IGF2R: variants seen among roughly 807,000 people sequenced by gnomAD.
IGF2R encodes the protein insulin like growth factor 2 receptor.
IGF2R carries 91 observed loss-of-function variants against 270.6 expected under a neutral mutation model. That is an observed-to-expected ratio of 0.34 (90% confidence interval 0.28 to 0.40). The LOEUF (loss-of-function observed/expected upper bound fraction) is 0.40. IGF2R is among the 10% of genes least tolerant of loss of function. The pLI is 1.00. For missense variants in IGF2R, 2,805 were observed against 3,188.3 expected (o/e 0.88, Z 2.90); for synonymous variants, 1,316 against 1,258.9 (o/e 1.05, Z -0.96).
rs1230443660 is a variant in IGF2R at position 160,108,514 on chromosome 6, G to A, written c.*3430G>A. 6.6e-6 allele frequency: 1 copy of A among 152,370 alleles called. No homozygotes were observed. Among genetic ancestry groups the A allele is most frequent in the Non-Finnish European group, 1.5e-5 (1 of 68,166 alleles). 9.4% of individuals were successfully genotyped at this position (152,370 alleles called of 1,614,324 possible). On this transcript the variant is annotated 3_prime_UTR_variant, in exon 48 of 48. Coordinates refer to ENST00000356956, the MANE Select transcript of IGF2R (RefSeq NM_000876.4). ...TGGAGACGCTTCAGCAACCAGATGG[G>A]AGGTTGGGCATGGGAGCTGTGGCTG...
chr6:160,053,345 A>G (rs1190391947), intron 19 of IGF2R, among the ~76,000 whole-genome samples: 1 of 152,190 alleles, frequency 6.6e-6, no homozygotes, highest in Non-Finnish European at 1.5e-5. Context: ...GCAAACCAAC[A>G]TGGCACATGT....
chr6:160,064,317 G>T, intron 27 of IGF2R, 84 bp from the exon 28 acceptor site: 1 of 1,466,434 alleles, frequency 6.8e-7, no homozygotes, highest in South Asian at 1.1e-5. Context: ...ACTCTTCAGG[G>T]TGTGTGGTGT....
chr6:160,037,592 A>G (rs1172199838), intron 10 of IGF2R, among the ~76,000 whole-genome samples: 4 of 152,170 alleles, frequency 2.6e-5, no homozygotes, highest in African/African-American at 7.2e-5. Context: ...TTTGGTCATA[A>G]TATTTTTTAC....
intron 10 of IGF2R, among the ~76,000 whole-genome samples, chr6:160,040,180 G>A (rs1777912879): frequency 6.6e-6 from 1 of 152,156 alleles, no homozygotes; most frequent in African/African-American, 2.4e-5. Flanking sequence ...CTTTCTGTGA[G>A]TCCCCAGTGT....
At chr6:159,980,587 C>T (rs1162836433) in intron 1 of IGF2R, among the ~76,000 whole-genome samples, 1 of 152,236 alleles carries the variant, frequency 6.6e-6, no homozygotes, top group Admixed American at 6.5e-5. Flanking sequence ...GGCTTTTCTC[C>T]TCTGTCCACC....
rs567433451 is a variant in IGF2R at position 160,018,352 on chromosome 6, A to T, written c.514-6220A>T. Among the ~76,000 whole-genome samples the T allele has an allele frequency of 1.9e-4, 29 of 152,338 alleles. 1 individual carries two copies. In the South Asian group the frequency reaches 5.4e-3, roughly 28 times the overall value. On this transcript the variant is annotated intron_variant, in intron 4 of 47. Transcript: ENST00000356956. ...CATGCAACTCTAGAGCACAAGATTC[A>T]TAAAACAACTGCTGGTAGACTTCAG...
At chr6:159,972,325 G>T (rs1783622325) in intron 1 of IGF2R, among the ~76,000 whole-genome samples, 1 of 152,166 alleles carries the variant, frequency 6.6e-6, no homozygotes, top group Non-Finnish European at 1.5e-5. Context: ...TGTACAGAAG[G>T]ATCACATTCC....
chr6:160,045,779 T>G lies in IGF2R; in HGVS notation c.1800T>G (p.Ser600=). Reference sequence around the variant, plus strand: ...AAAGTGCACCAGTGTTGAGAACTTCTGGGGAAGGCGGTTGCTTTTATGAGT... The same window carrying G: ...AAAGTGCACCAGTGTTGAGAACTTCGGGGGAAGGCGGTTGCTTTTATGAGT... ...DLESAPVLRT[S]GEGGCFYEFE... The change falls in exon 14 of 48, where the codon TCT becomes TCG. Residue 600 remains serine, a synonymous_variant. Coordinates refer to ENST00000356956, the MANE Select transcript of IGF2R (RefSeq NM_000876.4). 6.2e-7 allele frequency: 1 copy of G among 1,614,152 alleles called. No individual in the cohort carries two copies. The highest frequency in any genetic ancestry group is 8.5e-7 in the Non-Finnish European group (1 of 1,180,004).
At chr6:160,026,956 A>G (rs6455680) in intron 5 of IGF2R, among the ~76,000 whole-genome samples, 101,385 of 152,014 alleles carry the variant, frequency 0.67, 33,952 homozygotes, top group East Asian at 0.83. Flanking sequence ...TAACATCATA[A>G]CCTGTTTCCT....
chr6:159,969,481 C>T, intron 1 of IGF2R, 86 bp downstream of exon 1: 1 of 999,686 alleles, frequency 1.0e-6, no homozygotes, highest in Non-Finnish European at 1.2e-6. Flanking sequence ...TCGAGGAGCT[C>T]CTGGGGTCTC....
chr6:160,102,532 A>G lies in IGF2R; in HGVS notation c.6856A>G (p.Ser2286Gly). ...ACGTCCTTGCAGGGTGGGCTTTGAC[A>G]GCGAGAATCCCGGGGACGACGGGCA... ...AVCPLGVGFD[S>G]ENPGDDGQMH... The change falls in exon 46 of 48, where the codon AGC becomes GGC. Residue 2286 changes from serine to glycine, a missense_variant. By Grantham distance (56) the Ser-to-Gly change is moderately conservative (BLOSUM62 0). This residue lies in a region of IGF2R where 1,851 missense variants were observed against 2,207.2 expected (regional missense o/e 0.84). Coordinates refer to ENST00000356956, the MANE Select transcript of IGF2R (RefSeq NM_000876.4). This position sits in a 1 kb window ranked among gnomAD's most constrained non-coding sequence, Gnocchi z 4.5. 1.2e-6 allele frequency: 2 copies of G among 1,612,250 alleles called. No individual in the cohort carries two copies. The highest frequency in any genetic ancestry group is 1.7e-6 in the Non-Finnish European group (2 of 1,179,692).
At chr6:160,019,186 G>A (rs1777374379) in intron 4 of IGF2R, among the ~76,000 whole-genome samples, 1 of 152,138 alleles carries the variant, frequency 6.6e-6, no homozygotes, top group South Asian at 2.1e-4. Flanking sequence ...AGAAAATTTA[G>A]AGGAAATGTG....
At chr6:159,977,470 C>T (rs1783712370) in intron 1 of IGF2R, among the ~76,000 whole-genome samples, 1 of 147,728 alleles carries the variant, frequency 6.8e-6, no homozygotes, top group Non-Finnish European at 1.5e-5. Context: ...CCTTTCCACC[C>T]TCCCAATGTC....
Position 160,050,902 on chromosome 6 carries a change from T to C in IGF2R, c.2694+250T>C, listed in dbSNP as rs1209234279. Among the ~76,000 whole-genome samples, 1 of 152,202 alleles carries C rather than the reference T, an allele frequency of 6.6e-6. No individual in the cohort carries two copies. Among genetic ancestry groups the C allele is most frequent in the East Asian group, 1.9e-4 (1 of 5,196 alleles). The stretch of plus-strand genomic sequence containing the variant: ...AGTTTGAGGCTCTGGTGACATACAC[T>C]GTTTCCTGGATTTTTTTTCTGAGTC... On this transcript the variant is annotated intron_variant, in intron 19 of 47. Transcript: ENST00000356956. This position sits in a 1 kb window ranked among gnomAD's most constrained non-coding sequence, Gnocchi z 4.0.
At chr6:160,062,320 C>G (rs1223454631) in intron 25 of IGF2R, among the ~76,000 whole-genome samples, 1 of 151,714 alleles carries the variant, frequency 6.6e-6, no homozygotes, top group Non-Finnish European at 1.5e-5. Context: ...ATTACAGGCA[C>G]CTGCCACCAC....
intron 44 of IGF2R, 73 bp from the exon 45 acceptor site, chr6:160,096,366 C>T (rs76245649): frequency 6.0e-4 from 825 of 1,379,954 alleles, no homozygotes; most frequent in Non-Finnish European, 7.8e-4. Flanking sequence ...CTTTTTAGAC[C>T]GTAAGGAGCT....
Position 160,096,513 on chromosome 6 carries a change from A to G in IGF2R, c.6730A>G (p.Ile2244Val). The change falls in exon 45 of 48, where the codon ATC (isoleucine) becomes GTC (valine). Residue 2244 changes from isoleucine (I) to valine (V), a missense_variant. Ile to Val is a conservative substitution (Grantham distance 29). Around this residue, in one of 2 missense-constraint regions of IGF2R, gnomAD observed 1,851 missense variants for 2,207.2 expected, o/e 0.84. Transcript: ENST00000356956. ...TAAGACCAAGTCTGTTTCTTCCACC[A>G]TCTTCTTCCACTGTGACCCTCTGGT... ...KDKTKSVSST[I>V]FFHCDPLVED... 1 of 1,614,166 alleles carries G rather than the reference A, an allele frequency of 6.2e-7. No individual in the cohort carries two copies. The highest frequency in any genetic ancestry group is 8.5e-7 in the Non-Finnish European group (1 of 1,180,028).
At chr6:160,035,449 A>G (rs1777797968) in intron 10 of IGF2R, among the ~76,000 whole-genome samples, 1 of 152,038 alleles carries the variant, frequency 6.6e-6, no homozygotes, top group Non-Finnish European at 1.5e-5. Context: ...AGAGACAGGC[A>G]CCCCTGCCCT....
intron 2 of IGF2R, among the ~76,000 whole-genome samples, chr6:159,997,644 C>T (rs1784073365): frequency 6.6e-6 from 1 of 152,132 alleles, no homozygotes; most frequent in African/African-American, 2.4e-5. Context: ...GCTCTCTGCC[C>T]CTCTCGTTTC....
Sources: allele counts gnomAD v4.1 joint callset (sites outside exome capture counted in the v4.1 genomes callset), GRCh38; gene constraint gnomAD v4.1.1; regional missense constraint gnomAD v4.1.1; non-coding constraint Gnocchi (gnomAD v3.1); transcripts MANE v1.5; gene names NCBI Gene and HGNC (gene_info 2026-07-23, HGNC 2026-07-21).